Variants in ITPK1 observed in about 807,000 individuals in gnomAD.
ITPK1 encodes the protein inositol 1,3,4-trisphosphate 5/6-kinase.
A neutral mutation model predicts 45.3 loss-of-function variants in ITPK1; 21 were observed. The ratio of observed to expected loss-of-function variants is 0.46; its 90% confidence interval spans 0.33 to 0.67. The LOEUF (loss-of-function observed/expected upper bound fraction) is 0.67, where lower values mean the gene tolerates loss of function less well. ITPK1 is among the 30% of genes least tolerant of loss of function. ITPK1 has a pLI of 0.02. For synonymous variants in ITPK1, 258 were observed against 253.6 expected, an observed-to-expected ratio of 1.02 and a Z score of -0.16; for missense variants, 474 against 573.5, an observed-to-expected ratio of 0.83 and a Z score of 1.77.
intron 10 of ITPK1, among the ~76,000 whole-genome samples, chr14:92,944,949 C>T (rs979907040): frequency 2.0e-5 from 3 of 152,232 alleles, no homozygotes; most frequent in Non-Finnish European, 4.4e-5. Context: ...CAGTTCACCA[C>T]ACGCAGCTCC....
chr14:93,063,917 A>G lies in ITPK1; in HGVS notation c.120+12678T>C, dbSNP rs541706451. Among the ~76,000 whole-genome samples, 1 of 152,232 alleles carries G rather than the reference A, an allele frequency of 6.6e-6. No homozygotes were observed. Among genetic ancestry groups the G allele is most frequent in the East Asian group, 1.9e-4 (1 of 5,180 alleles). On this transcript the variant is annotated intron_variant, in intron 3 of 10. Coordinates refer to ENST00000267615, the MANE Select transcript of ITPK1 (RefSeq NM_014216.6). This position sits in a 1 kb window ranked among gnomAD's most constrained non-coding sequence, Gnocchi z 4.3. ...GCCAAACGCACTTTGGAATTTTTAC[A>G]TGCGCATTCTAGAACTCTGAAGCAA...
At chr14:93,044,034 T>C (rs10144258) in intron 3 of ITPK1, among the ~76,000 whole-genome samples, 27,146 of 151,936 alleles carry the variant, frequency 0.18, 3,201 homozygotes, top group African/African-American at 0.33. Context: ...GCCTCCCTCC[T>C]CTTCTGTCCC....
chr14:92,962,649 G>A (rs1595090785), intron 6 of ITPK1, 102 bp downstream of exon 6: 19 of 923,198 alleles, frequency 2.1e-5, no homozygotes, highest in African/African-American at 4.9e-5. Context: ...ATCCATCCTC[G>A]GGTGAGCTTA....
intron 2 of ITPK1, among the ~76,000 whole-genome samples, chr14:93,088,214 CAG>C (rs1891722684): frequency 6.6e-6 from 1 of 152,114 alleles, no homozygotes; most frequent in South Asian, 2.1e-4. Flanking sequence ...CAGGCAGAAA[CAG>C]GGACAGACGA....
intron 10 of ITPK1, among the ~76,000 whole-genome samples, chr14:92,943,479 TG>T (rs1371329400): frequency 6.6e-6 from 1 of 152,214 alleles, no homozygotes; most frequent in Non-Finnish European, 1.5e-5. Context: ...CCGTCGGCCC[TG>T]GGCTAGGCCT....
intron 3 of ITPK1, among the ~76,000 whole-genome samples, chr14:93,024,539 T>G (rs994635944): frequency 5.9e-5 from 9 of 152,226 alleles, no homozygotes; most frequent in Non-Finnish European, 8.8e-5. Flanking sequence ...CTTCCTCACA[T>G]GAGGCTGGAT....
chr14:93,022,017 G>T (rs1022627521), intron 3 of ITPK1, among the ~76,000 whole-genome samples: 1 of 152,232 alleles, frequency 6.6e-6, no homozygotes, highest in African/African-American at 2.4e-5. Context: ...TAAATGGCCT[G>T]AGGATGGTGC....
At chr14:93,022,855 A>C (rs948525199) in intron 3 of ITPK1, among the ~76,000 whole-genome samples, 2 of 152,150 alleles carry the variant, frequency 1.3e-5, no homozygotes, top group African/African-American at 4.8e-5. Flanking sequence ...AAAAACAAAA[A>C]AACAAAAACA....
At position 93,063,553 on chromosome 14, in the gene ITPK1, C is replaced by G. The variant is rs1478762680; in HGVS notation, c.120+13042G>C. ...CTTGCCCTCCCCTCGTCTCAATCAT[C>G]CATCTCATCACCATCTGGTAGATGG... is the stretch of plus-strand genomic sequence containing the variant. On this transcript the variant is annotated intron_variant, in intron 3 of 10. Transcript: ENST00000267615. The surrounding 1 kb of genome is among the most constrained non-coding windows in gnomAD (Gnocchi z 4.3). 2.6e-5 allele frequency among the ~76,000 whole-genome samples: 4 copies of G among 152,232 alleles called. No homozygotes were observed. The highest frequency in any genetic ancestry group is 5.9e-5 in the Non-Finnish European group (4 of 68,048).
chr14:93,001,616 C>T (rs1887359551), intron 4 of ITPK1, among the ~76,000 whole-genome samples: 1 of 152,222 alleles, frequency 6.6e-6, no homozygotes, highest in Non-Finnish European at 1.5e-5. Flanking sequence ...GGATCCACTG[C>T]ATCAGGGCCT....
At chr14:93,018,278 T>A (rs1345640653) in intron 3 of ITPK1, among the ~76,000 whole-genome samples, 1 of 151,930 alleles carries the variant, frequency 6.6e-6, no homozygotes, top group African/African-American at 2.4e-5. Flanking sequence ...CACTACCGCC[T>A]CCCCTATGGC....
chr14:93,112,600 C>T (rs1412380238), intron 2 of ITPK1, among the ~76,000 whole-genome samples: 1 of 151,968 alleles, frequency 6.6e-6, no homozygotes, highest in Non-Finnish European at 1.5e-5. Flanking sequence ...CCATCATGCC[C>T]GGCTAATTTT....
At chr14:93,052,592 T>C (rs1378770961) in intron 3 of ITPK1, among the ~76,000 whole-genome samples, 1 of 152,158 alleles carries the variant, frequency 6.6e-6, no homozygotes. Context: ...CGGGAGATCC[T>C]TCAGTGGGGC....
rs576028659 is a variant in ITPK1 at position 93,034,787 on chromosome 14, G to A, written c.121-17986C>T. On this transcript the variant is annotated intron_variant, in intron 3 of 10. Transcript: ENST00000267615. The surrounding 1 kb of genome is among the most constrained non-coding windows in gnomAD (Gnocchi z 4.1). The stretch of plus-strand genomic sequence containing the variant: ...GCTGGCATGGCCCCAGCACACACGG[G>A]CAGTGGGCAGTGGGCAGTGCCAGTG... Among the ~76,000 whole-genome samples, 1 of 152,322 alleles carries A rather than the reference G, an allele frequency of 6.6e-6. No homozygotes were observed. Among genetic ancestry groups the A allele is most frequent in the South Asian group, 2.1e-4 (1 of 4,834 alleles).
chr14:93,004,924 C>T (rs1461279957), intron 4 of ITPK1, among the ~76,000 whole-genome samples: 3 of 151,910 alleles, frequency 2.0e-5, no homozygotes, highest in Non-Finnish European at 4.4e-5. Context: ...GTGAGGGAGT[C>T]CAGCACATTC....
chr14:93,021,090 C>G (rs1206856603), intron 3 of ITPK1, among the ~76,000 whole-genome samples: 1 of 152,018 alleles, frequency 6.6e-6, no homozygotes, highest in Non-Finnish European at 1.5e-5. Context: ...GTGGAAACTT[C>G]CGAAAAGTTT....
At chr14:92,974,905 A>G (rs1223260644) in intron 5 of ITPK1, among the ~76,000 whole-genome samples, 2 of 152,214 alleles carry the variant, frequency 1.3e-5, no homozygotes, top group African/African-American at 4.8e-5. Flanking sequence ...GGGGTGTGAG[A>G]GAAGGCCAGG....
intron 2 of ITPK1, among the ~76,000 whole-genome samples, chr14:93,110,807 A>G (rs767461357): frequency 4.8e-4 from 73 of 152,322 alleles, no homozygotes; most frequent in African/African-American, 1.3e-3. Context: ...GGAGGATGAG[A>G]AACTCACAGA....
chr14:93,028,816 CGAT>C, intron 3 of ITPK1, among the ~76,000 whole-genome samples: 1 of 152,356 alleles, frequency 6.6e-6, no homozygotes, highest in Admixed American at 6.5e-5. Flanking sequence ...GTCCCAGGCA[CGAT>C]GATGGGGCTG....
Sources: allele counts gnomAD v4.1 joint callset (sites outside exome capture counted in the v4.1 genomes callset), GRCh38; gene constraint gnomAD v4.1.1; non-coding constraint Gnocchi (gnomAD v3.1); transcripts MANE v1.5; gene names NCBI Gene and HGNC (gene_info 2026-07-23, HGNC 2026-07-21).